Variants in CRKL observed in about 807,000 individuals in gnomAD.
CRKL encodes crk-like protein.
CRKL carries 3 observed loss-of-function variants against 23.0 expected under a neutral mutation model. That is an observed-to-expected ratio of 0.13 (90% CI 0.06 to 0.34). The LOEUF is 0.34. CRKL is among the 10% of genes least tolerant of loss of function. The probability of loss-of-function intolerance (pLI) is 1.00; values close to 1 mark genes in which losing one functional copy is unlikely to be tolerated. For synonymous variants in CRKL, 188 were observed against 160.7 expected (o/e 1.17, Z -1.28); for missense variants, 256 against 394.5 (o/e 0.65, Z 2.97).
rs1360822482 is a variant in CRKL, at chr22:20,950,426, T to C, written c.*581T>C. On this transcript the variant is annotated 3_prime_UTR_variant, in exon 3 of 3. Coordinates refer to ENST00000354336, the MANE Select transcript of CRKL (RefSeq NM_005207.4). Reference sequence around the variant, plus strand: ...TTTTGTTTTGTTTGTTTTGTTTTGTTTTTTTGAGACGGTGTCTCGCTGCAT... The same window carrying C: ...TTTTGTTTTGTTTGTTTTGTTTTGTCTTTTTGAGACGGTGTCTCGCTGCAT... 1 of 233,128 alleles carries C rather than the reference T, an allele frequency of 4.3e-6. No individual in the cohort carries two copies. Among genetic ancestry groups the C allele is most frequent in the Admixed American group, 5.6e-5 (1 of 17,762 alleles). The allele number at this position is 233,128 out of a possible 1,614,324, so 14.4% of individuals were successfully genotyped here.
intron 2 of CRKL, among the ~76,000 whole-genome samples, chr22:20,946,718 C>T (rs9625149): frequency 1.2e-4 from 9 of 72,688 alleles, no homozygotes; most frequent in Non-Finnish European, 1.6e-4. Flanking sequence ...GAGCACCCCT[C>T]CCTCCAAAAA....
chr22:20,937,797 A>G (rs1243886045), intron 2 of CRKL, among the ~76,000 whole-genome samples: 1 of 152,072 alleles, frequency 6.6e-6, no homozygotes, highest in African/African-American at 2.4e-5. Context: ...GACCTGAGAA[A>G]TAGACCTTTA....
chr22:20,921,246 T>C (rs1920989434), intron 1 of CRKL, among the ~76,000 whole-genome samples: 1 of 152,252 alleles, frequency 6.6e-6, no homozygotes, highest in Non-Finnish European at 1.5e-5. Flanking sequence ...TTATCTTGCA[T>C]AGCTAAAATT....
rs557938965 is a variant in CRKL, at chr22:20,934,194, A to G, written c.727A>G (p.Ile243Val). 3.2e-5 allele frequency: 52 copies of G among 1,614,188 alleles called. 2 individuals are homozygous for G. The highest frequency in any genetic ancestry group is 1.3e-5 in the African/African-American group (1 of 75,048). ...GAATGGACCTGTCTTTGCGAAAGCA[A>G]TCCAGAAAAGAGTACCCTGTGCTTA... Reference protein sequence around the residue: ...TQNGPVFAKAIQKRVPCAYDK... With the variant: ...TQNGPVFAKAVQKRVPCAYDK... Residue 243 changes from isoleucine to valine, a missense_variant, in exon 2 of 3, where the codon ATC (isoleucine) becomes GTC (valine). Around this residue, in one of 3 missense-constraint regions of CRKL, gnomAD observed 129 missense variants for 222.1 expected, o/e 0.58. Transcript: ENST00000354336.
intron 1 of CRKL, among the ~76,000 whole-genome samples, chr22:20,918,766 A>T (rs768364827): frequency 2.0e-5 from 3 of 151,616 alleles, no homozygotes; most frequent in Non-Finnish European, 4.4e-5. Flanking sequence ...TAATTTTTGT[A>T]TTTTTAGTAG....
rs185589071 is a variant in CRKL, at chr22:20,938,526, C to T, written c.777+4282C>T. On this transcript the variant is annotated intron_variant, in intron 2 of 2. Transcript: ENST00000354336. ...AGGGCAGTGGGCTGTTGCCATATCA[C>T]GAAGGGCTGAGCTGAGGAGATTAAC... Among the ~76,000 whole-genome samples, 38 of 152,240 alleles carry T rather than the reference C, an allele frequency of 2.5e-4. No homozygotes were observed. In the South Asian group the frequency reaches 6.6e-3, roughly 27 times the overall value.
At chr22:20,933,041 C>T in intron 1 of CRKL, among the ~76,000 whole-genome samples, 1 of 151,578 alleles carries the variant, frequency 6.6e-6, no homozygotes, top group East Asian at 1.9e-4. Context: ...AATTGCGCTA[C>T]TGCACTCCAG....
At chr22:20,932,746 C>A (rs1381727159) in intron 1 of CRKL, among the ~76,000 whole-genome samples, 1 of 152,064 alleles carries the variant, frequency 6.6e-6, no homozygotes, top group Non-Finnish European at 1.5e-5. Context: ...ACAAAAATTA[C>A]AACATGATAG....
rs775637595 is a variant in CRKL, at chr22:20,933,784, C to T, written c.317C>T (p.Pro106Leu). Residue 106 changes from proline (P) to leucine (L), a missense_variant, in exon 2 of 3, where the codon CCA becomes CTA. Transcript: ENST00000354336. ...AATTTTCTTTCTCTCTTAAGGTATC[C>T]AAGCCCACCAATGGGATCTGTCTCA... is the stretch of plus-strand genomic sequence containing the variant. ...TTLIEPAPRY[P>L]SPPMGSVSAP... 1.9e-6 allele frequency: 3 copies of T among 1,610,768 alleles called. No individual in the cohort carries two copies. The highest frequency in any genetic ancestry group is 1.7e-5 in the Admixed American group (1 of 59,758).
chr22:20,941,190 C>G (rs983764839), intron 2 of CRKL, among the ~76,000 whole-genome samples: 3 of 152,058 alleles, frequency 2.0e-5, no homozygotes, highest in African/African-American at 7.2e-5. Context: ...CAAGGCTTCC[C>G]AGAAAGGCCC....
At chr22:20,939,474 C>T (rs112518264) in intron 2 of CRKL, among the ~76,000 whole-genome samples, 1 of 151,982 alleles carries the variant, frequency 6.6e-6, no homozygotes, top group Non-Finnish European at 1.5e-5. Flanking sequence ...TCTCCATCTC[C>T]TGACCTCGTG....
At chr22:20,948,204 C>G (rs1051258768) in intron 2 of CRKL, among the ~76,000 whole-genome samples, 13 of 152,174 alleles carry the variant, frequency 8.5e-5, no homozygotes, top group Admixed American at 7.9e-4. Context: ...TGTGAGTGTT[C>G]TTGGCAGCTT....
chr22:20,925,186 CA>C (rs11451684), intron 1 of CRKL, among the ~76,000 whole-genome samples: 8,176 of 100,778 alleles, frequency 0.081, 151 homozygotes, highest in African/African-American at 0.091. Flanking sequence ...GACTCCGTCT[CA>C]AAAAAAAAAA....
intron 1 of CRKL, among the ~76,000 whole-genome samples, chr22:20,920,328 C>T (rs547819501): frequency 9.9e-5 from 15 of 152,184 alleles, no homozygotes; most frequent in African/African-American, 3.6e-4. Flanking sequence ...TGGTGAAACC[C>T]CGTCTCTGCT....
At chr22:20,922,944 A>G (rs967581581) in intron 1 of CRKL, among the ~76,000 whole-genome samples, 2 of 152,120 alleles carry the variant, frequency 1.3e-5, no homozygotes, top group Non-Finnish European at 2.9e-5. Context: ...AAGTGCTGGG[A>G]TTACAGGTGT....
intron 2 of CRKL, among the ~76,000 whole-genome samples, chr22:20,948,910 G>A (rs986451864): frequency 5.9e-5 from 9 of 152,198 alleles, no homozygotes; most frequent in Admixed American, 1.3e-4. Flanking sequence ...CAGAACCTTA[G>A]ATTAGTGCTC....
intron 1 of CRKL, among the ~76,000 whole-genome samples, chr22:20,922,866 T>C (rs1054155629): frequency 2.6e-5 from 4 of 152,020 alleles, no homozygotes; most frequent in African/African-American, 9.7e-5. Flanking sequence ...AGAGACAGGG[T>C]TTCACCATGT....
chr22:20,923,271 T>TG (rs1921056691), intron 1 of CRKL, among the ~76,000 whole-genome samples: 1 of 150,286 alleles, frequency 6.7e-6, no homozygotes, highest in Non-Finnish European at 1.5e-5. Flanking sequence ...TACTGGTTAC[T>TG]AAAAAAAAAA....
intron 2 of CRKL, 26 bp from the exon 3 acceptor site, chr22:20,949,685 T>C: frequency 6.2e-7 from 1 of 1,607,892 alleles, no homozygotes; most frequent in South Asian, 1.1e-5. Flanking sequence ...AGAGAAATGC[T>C]AACTTTGTCT....
Sources: allele counts gnomAD v4.1 joint callset (sites outside exome capture counted in the v4.1 genomes callset), GRCh38; gene constraint gnomAD v4.1.1; regional missense constraint gnomAD v4.1.1; transcripts MANE v1.5; gene names NCBI Gene and HGNC (gene_info 2026-07-23, HGNC 2026-07-21).